The following TTC24 variants were observed in gnomAD, a reference collection of about 807,000 sequenced individuals.
The protein encoded by TTC24 is tetratricopeptide repeat domain 24.
In TTC24, 54 loss-of-function variants were observed where a neutral mutation model predicts 63.3. That is an observed-to-expected ratio of 0.85 (90% CI 0.69 to 1.07). TTC24 has a LOEUF of 1.07. TTC24 is among the 50% of genes least tolerant of loss of function. TTC24 has a pLI of 0.00. For missense variants in TTC24, 680 were observed against 730.5 expected (o/e 0.93, Z 0.80); for synonymous variants, 276 against 304.3 (o/e 0.91, Z 0.97).
chr1:156,585,063 C>A (rs1677115551), intron 7 of TTC24, 62 bp from the exon 8 acceptor site: 1 of 1,552,224 alleles, frequency 6.4e-7, no homozygotes, highest in Admixed American at 1.9e-5. Context: ...CATGTGTATC[C>A]CCAGGAAGGA....
chr1:156,586,108 G>C (rs761891156), intron 10 of TTC24, 63 bp downstream of exon 10: 8 of 1,210,570 alleles, frequency 6.6e-6, no homozygotes, highest in Non-Finnish European at 9.5e-6. Context: ...TGTGTGGCTT[G>C]GGATGATTTT....
chr1:156,585,801 A>G lies in TTC24; in HGVS notation c.1545A>G (p.Thr515=). The change falls in exon 9 of 11, where the codon ACA becomes ACG. Residue 515 remains threonine, a synonymous_variant. Coordinates refer to ENST00000368236, the MANE Select transcript of TTC24 (RefSeq NM_001105669.4). ...TFTKHTPCRG[T]VLGKASIYSP... is the part of the protein sequence containing the mutation. ...CCAAGCACACGCCCTGCAGAGGGACAGTCCTCGGCAAAGCCTCCATCTATA... is the reference window on the plus strand; with the variant it reads ...CCAAGCACACGCCCTGCAGAGGGACGGTCCTCGGCAAAGCCTCCATCTATA... The G allele has an allele frequency of 5.0e-6, 8 of 1,613,518 alleles. No individual in the cohort carries two copies. The highest frequency in any genetic ancestry group is 6.8e-6 in the Non-Finnish European group (8 of 1,179,416).
chr1:156,581,760 G>A lies in TTC24; in HGVS notation c.396G>A (p.Glu132=), dbSNP rs572392957. The A allele has an allele frequency of 2.9e-4, 447 of 1,551,616 alleles. 1 individual carries two copies. The African/African-American group carries it at 5.5e-3, about 19-fold the overall frequency. ...NVALAYHALG[E]LPQALAWYHR... is the part of the protein sequence containing the mutation. ...CTTTGGCCTACCATGCCCTCGGCGA[G>A]CTGCCTCAAGCTTTGGCCTGGTACC... The change falls in exon 2 of 11, where the codon GAG becomes GAA. Residue 132 remains glutamate, a synonymous_variant. Transcript: ENST00000368236.
chr1:156,586,290 G>A (rs1193539728), intron 10 of TTC24, among the ~76,000 whole-genome samples, 179 bp from the exon 11 acceptor site: 1 of 152,120 alleles, frequency 6.6e-6, no homozygotes, highest in African/African-American at 2.4e-5. Context: ...AGGCCTCAGT[G>A]AAAGACAGGG....
rs1481072089 is a variant in TTC24 at position 156,583,696 on chromosome 1, C to A, written c.1153-101C>A. 2.2e-5 allele frequency: 21 copies of A among 970,618 alleles called. No homozygotes were observed. Among genetic ancestry groups the A allele is most frequent in the Non-Finnish European group, 3.3e-5 (21 of 642,404 alleles). The allele number at this position is 970,618 out of a possible 1,614,324, so 60.1% of individuals were successfully genotyped here. On this transcript the variant is annotated intron_variant, in intron 5 of 10. Transcript: ENST00000368236. This position sits in a 1 kb window ranked among gnomAD's most constrained non-coding sequence, Gnocchi z 4.0. Reference sequence around the variant, plus strand: ...GGGGTAGAAGAGAGGGGAAACAAAGCCCCCCTCCCCCCTCCCTTTCCTGTT... The same window carrying A: ...GGGGTAGAAGAGAGGGGAAACAAAGACCCCCTCCCCCCTCCCTTTCCTGTT...
At position 156,586,606 on chromosome 1, in the gene TTC24, A is replaced by G; in HGVS notation, c.*56A>G. 6.7e-7 allele frequency: 1 copy of G among 1,493,006 alleles called. No homozygotes were observed. Among genetic ancestry groups the G allele is most frequent in the Non-Finnish European group, 9.2e-7 (1 of 1,081,852 alleles). 92.5% of individuals were successfully genotyped at this position (1,493,006 alleles called of 1,614,324 possible). On this transcript the variant is annotated 3_prime_UTR_variant, in exon 11 of 11. Transcript: ENST00000368236. The stretch of plus-strand genomic sequence containing the variant: ...TGAAGCACCTGTCCAACACGCACAC[A>G]CTAGGGGGTCCTGGGGACCAAGCCT...
chr1:156,585,085 T>C, intron 7 of TTC24, 40 bp from the exon 8 acceptor site: 1 of 1,575,916 alleles, frequency 6.3e-7, no homozygotes, highest in Non-Finnish European at 8.6e-7. Flanking sequence ...GGGACTGGTG[T>C]CGCTCTGCCA....
chr1:156,582,362 GGGA>G lies in TTC24; in HGVS notation c.839_841del (p.Gly280_Met281delinsVal). 1 of 1,613,040 alleles carries G rather than the reference GGGA, an allele frequency of 6.2e-7. No individual in the cohort carries two copies. The highest frequency in any genetic ancestry group is 1.7e-5 in the Admixed American group (1 of 59,912). On this transcript the variant is annotated inframe_deletion, in exon 3 of 11. Transcript: ENST00000368236. ...GCAGGCCACAGTGCTAAGAAACCTC[GGGA>G]TGGCCCACAATGCCCTCGGCAACTA...
chr1:156,582,398 G>A lies in TTC24; in HGVS notation c.874G>A (p.Ala292Thr), dbSNP rs1234935073. The change falls in exon 3 of 11, where the codon GCT becomes ACT. Residue 292 changes from alanine (A) to threonine (T), a missense_variant. Coordinates refer to ENST00000368236, the MANE Select transcript of TTC24 (RefSeq NM_001105669.4). ...AHNALGNYQE[A>T]REFHQKAADL... ...CAATGCCCTCGGCAACTATCAGGAA[G>A]CTCGGGAGTTTCACCAGAAGGCTGC... 4.3e-6 allele frequency: 7 copies of A among 1,613,844 alleles called. No homozygotes were observed. In the East Asian group the frequency reaches 1.6e-4, roughly 36 times the overall value.
In TTC24 at chr1:156,583,918, G is replaced by C; in HGVS notation, c.1251+23G>C. ...CTGGTGAGATGACACCTGAGACAAG[G>C]AGATGGGGGTGGAGAGAGGTTACCC... On this transcript the variant is annotated intron_variant, in intron 6 of 10. Transcript: ENST00000368236. This position sits in a 1 kb window ranked among gnomAD's most constrained non-coding sequence, Gnocchi z 4.0. 1 of 1,553,728 alleles carries C rather than the reference G, an allele frequency of 6.4e-7. No individual in the cohort carries two copies. Among genetic ancestry groups the C allele is most frequent in the Non-Finnish European group, 8.7e-7 (1 of 1,145,388 alleles).
rs1306654512 is a variant in TTC24 at position 156,580,417 on chromosome 1, T to C, written c.-5+659T>C. 3.3e-5 allele frequency among the ~76,000 whole-genome samples: 5 copies of C among 152,132 alleles called. No individual in the cohort carries two copies. In the East Asian group the frequency reaches 9.6e-4, roughly 29 times the overall value. ...AGATGATGAGTGAGGGGGGTGTCTG[T>C]GGAGGCACAGTGTGAAGGAAGTTAT... On this transcript the variant is annotated intron_variant, in intron 1 of 10. Transcript: ENST00000368236.
At chr1:156,582,515 G>A (rs1010535208) in intron 3 of TTC24, 81 bp downstream of exon 3, 10 of 1,329,302 alleles carry the variant, frequency 7.5e-6, no homozygotes, top group African/African-American at 1.4e-5. Context: ...GCTTAAGGGT[G>A]GATGGCCCTT....
In TTC24 at chr1:156,583,374, TG is replaced by T. The variant is rs775569180; in HGVS notation, c.1081del (p.Ala361LeufsTer13). On this transcript the variant is annotated frameshift_variant, in exon 5 of 11. Coordinates refer to ENST00000368236, the MANE Select transcript of TTC24 (RefSeq NM_001105669.4). LOFTEE classifies it high-confidence loss of function. The surrounding 1 kb of genome is among the most constrained non-coding windows in gnomAD (Gnocchi z 4.0). Reference protein sequence around the residue: ...MKGQWQACEGLGAAAARLGQY... With the variant: ...MKGQWQACEGXGAAAARLGQY... ...GGACAGTGGCAGGCCTGTGAGGGTC[TG>T]GGGGCTGCTGCAGCCAGGCTGGGGC... 62 of 1,612,298 alleles carry T rather than the reference TG, an allele frequency of 3.8e-5. No homozygotes were observed. The African/African-American group carries it at 5.7e-4, about 15-fold the overall frequency.
At position 156,583,993 on chromosome 1, in the gene TTC24, C is replaced by A; in HGVS notation, c.1251+98C>A. ...AGACGCTGTTCCCTGGGATGCTGCG[C>A]GCTTGGCCGCTCATCTGTGTTCATC... On this transcript the variant is annotated intron_variant, in intron 6 of 10. Transcript: ENST00000368236. This position sits in a 1 kb window ranked among gnomAD's most constrained non-coding sequence, Gnocchi z 4.0. 1.0e-6 allele frequency: 1 copy of A among 979,704 alleles called. No homozygotes were observed. Among genetic ancestry groups the A allele is most frequent in the Non-Finnish European group, 1.6e-6 (1 of 635,946 alleles). The allele number at this position is 979,704 out of a possible 1,614,324, so 60.7% of individuals were successfully genotyped here.
At chr1:156,582,131 A>AC in intron 2 of TTC24, 61 bp downstream of exon 2, 1 of 1,462,692 alleles carries the variant, frequency 6.8e-7, no homozygotes, top group South Asian at 1.4e-5. Flanking sequence ...GATGATACTC[A>AC]GAGGGCTGGG....
intron 10 of TTC24, 79 bp from the exon 11 acceptor site, chr1:156,586,390 G>T (rs570083907): frequency 8.6e-6 from 11 of 1,272,668 alleles, no homozygotes; most frequent in Non-Finnish European, 1.2e-5. Context: ...AGGGCAGAGG[G>T]AAGCTGAGGC....
Position 156,586,651 on chromosome 1 carries a change from T to G in TTC24, c.*101T>G. 1 of 1,059,256 alleles carries G rather than the reference T, an allele frequency of 9.4e-7. No homozygotes were observed. The highest frequency in any genetic ancestry group is 1.4e-6 in the Non-Finnish European group (1 of 710,044). The allele number at this position is 1,059,256 out of a possible 1,614,324, so 65.6% of individuals were successfully genotyped here. ...AAGCCTCTTCCCAGTTGCTCAGCCC[T>G]GCAGGGATGTGGAACACAGTGCAGC... On this transcript the variant is annotated 3_prime_UTR_variant, in exon 11 of 11. Coordinates refer to ENST00000368236, the MANE Select transcript of TTC24 (RefSeq NM_001105669.4).
Position 156,581,331 on chromosome 1 carries a change from C to T in TTC24, c.-4-30C>T, listed in dbSNP as rs958690340. The T allele has an allele frequency of 5.5e-6, 8 of 1,443,590 alleles. No individual in the cohort carries two copies. In the Admixed American group the frequency reaches 1.4e-4, roughly 25 times the overall value. The allele number at this position is 1,443,590 out of a possible 1,614,324, so 89.4% of individuals were successfully genotyped here. On this transcript the variant is annotated intron_variant, in intron 1 of 10. Coordinates refer to ENST00000368236, the MANE Select transcript of TTC24 (RefSeq NM_001105669.4). ...GCTATCTAGAGGAAGCCAAGGCTGACATACTGAGCCCTCTGTTCCCCTTTG... is the reference window on the plus strand; with the variant it reads ...GCTATCTAGAGGAAGCCAAGGCTGATATACTGAGCCCTCTGTTCCCCTTTG...
In TTC24 at chr1:156,582,051, C is replaced by T. The variant is rs1677013630; in HGVS notation, c.687C>T (p.Ser229=). The change falls in exon 2 of 11, where the codon AGC becomes AGT. Residue 229 remains serine, a synonymous_variant. Coordinates refer to ENST00000368236, the MANE Select transcript of TTC24 (RefSeq NM_001105669.4). The part of the protein sequence containing the change: ...LEKSRRLAER[S]TERRLLGHLY... Reference sequence around the variant, plus strand: ...AAAGCCGGAGGCTTGCCGAGAGGAGCACTGAGAGGCGACTGCTGGGTGAGA... The same window carrying T: ...AAAGCCGGAGGCTTGCCGAGAGGAGTACTGAGAGGCGACTGCTGGGTGAGA... 1 of 1,472,492 alleles carries T rather than the reference C, an allele frequency of 6.8e-7. No homozygotes were observed. The highest frequency in any genetic ancestry group is 1.4e-5 in the African/African-American group (1 of 70,232). The allele number at this position is 1,472,492 out of a possible 1,614,324, so 91.2% of individuals were successfully genotyped here.
Sources: gnomAD v4.1 joint callset for allele counts (sites outside exome capture counted in the v4.1 genomes callset) on GRCh38, gnomAD v4.1.1 for gene constraint, Gnocchi (gnomAD v3.1) non-coding constraint, MANE v1.5 for transcripts, NCBI Gene and HGNC (gene_info 2026-07-23, HGNC 2026-07-21) for gene names.